Variants in ZFR observed in about 807,000 individuals in gnomAD.
ZFR encodes zinc finger RNA binding protein, also known as zinc finger RNA-binding protein.
Under a neutral mutation model 130.7 loss-of-function variants are expected in ZFR, and 19 were observed. The observed-to-expected ratio is 0.15, with a 90% CI of 0.10 to 0.21. ZFR has a LOEUF of 0.21. Ranked by LOEUF, ZFR falls within the 10% of genes least tolerant of loss-of-function variation. The pLI is 1.00. For missense variants in ZFR, 872 were observed against 1,321.5 expected (o/e 0.66, Z 5.27); for synonymous variants, 466 against 456.9 (o/e 1.02, Z -0.25).
At chr5:32,437,366 T>A (rs1373749414) in intron 2 of ZFR, among the ~76,000 whole-genome samples, 1 of 152,098 alleles carries the variant, frequency 6.6e-6, no homozygotes, top group Non-Finnish European at 1.5e-5. Flanking sequence ...TCCCTACAAA[T>A]GCACTTTAAT....
intron 17 of ZFR, among the ~76,000 whole-genome samples, chr5:32,368,931 T>C (rs1752602947): frequency 1.3e-5 from 2 of 151,714 alleles, no homozygotes; most frequent in Non-Finnish European, 2.9e-5. Context: ...GCCACTTACA[T>C]AGTCCAGTTG....
chr5:32,416,551 T>G (rs1055732553), intron 4 of ZFR, among the ~76,000 whole-genome samples: 3 of 148,826 alleles, frequency 2.0e-5, no homozygotes, highest in Non-Finnish European at 4.4e-5. Context: ...GAGGTGGAGG[T>G]TGCGGTGAGC....
At chr5:32,388,981 T>C (rs559480908) in intron 12 of ZFR, among the ~76,000 whole-genome samples, 1 of 152,256 alleles carries the variant, frequency 6.6e-6, no homozygotes, top group South Asian at 2.1e-4. Context: ...TCTGAAACTT[T>C]CTTTGCTTTC....
chr5:32,441,417 C>T (rs747603527), intron 2 of ZFR, among the ~76,000 whole-genome samples: 8 of 151,706 alleles, frequency 5.3e-5, no homozygotes, highest in South Asian at 2.1e-4. Flanking sequence ...GCTACGTATA[C>T]AAAAATCCAT....
intron 5 of ZFR, 36 bp from the exon 6 acceptor site, chr5:32,407,057 T>C (rs1451344030): frequency 7.0e-7 from 1 of 1,422,896 alleles, no homozygotes; most frequent in Non-Finnish European, 9.2e-7. Flanking sequence ...TTATGTTACA[T>C]ACTTATAGAA....
At chr5:32,397,419 G>C in intron 9 of ZFR, 81 bp from the exon 10 acceptor site, 1 of 1,508,452 alleles carries the variant, frequency 6.6e-7, no homozygotes, top group Non-Finnish European at 9.0e-7. Flanking sequence ...ATTTGATGAA[G>C]TTGTACACAG....
chr5:32,418,745 C>A lies in ZFR; in HGVS notation c.421-953G>T, dbSNP rs558972773. ...TGATTTACATTTCAATTTTTTACTG[C>A]ATAAATTTCTATGCTTTAGAAAGAA... On this transcript the variant is annotated intron_variant, in intron 3 of 19. Coordinates refer to ENST00000265069, the MANE Select transcript of ZFR (RefSeq NM_016107.5). Among the ~76,000 whole-genome samples the A allele has an allele frequency of 2.0e-4, 30 of 152,198 alleles. No individual in the cohort carries two copies. In the East Asian group the frequency reaches 5.2e-3, roughly 26 times the overall value.
chr5:32,410,635 A>G (rs1002007297), intron 5 of ZFR, among the ~76,000 whole-genome samples: 1 of 152,116 alleles, frequency 6.6e-6, no homozygotes, highest in African/African-American at 2.4e-5. Context: ...GTAAGCTATG[A>G]TATTAGAAGA....
At chr5:32,379,258 A>G (rs760249603) in intron 16 of ZFR, 48 bp from the exon 17 acceptor site, 1 of 1,506,396 alleles carries the variant, frequency 6.6e-7, no homozygotes, top group East Asian at 2.3e-5. Context: ...GAAATACTGA[A>G]TATATCCCTT....
chr5:32,372,652 G>A (rs1478422585), intron 17 of ZFR, among the ~76,000 whole-genome samples: 2 of 151,990 alleles, frequency 1.3e-5, no homozygotes, highest in Non-Finnish European at 2.9e-5. Context: ...GGCCAACATG[G>A]TGAAACTCCG....
chr5:32,364,559 CA>C (rs35884057), intron 17 of ZFR: 4 of 161,558 alleles, frequency 2.5e-5, no homozygotes, highest in Admixed American at 6.4e-5. Context: ...CCCGTCTCTA[CA>C]AAAAAAACCC....
intron 15 of ZFR, chr5:32,380,456 A>G (rs1452312408): frequency 3.8e-6 from 1 of 261,780 alleles, no homozygotes; most frequent in Non-Finnish European, 7.5e-6. Flanking sequence ...GCACTAGCAC[A>G]AAGACAACAA....
chr5:32,363,853 A>C (rs1752484202), intron 19 of ZFR, 95 bp downstream of exon 19: 1 of 1,048,968 alleles, frequency 9.5e-7, no homozygotes, highest in East Asian at 2.6e-5. Flanking sequence ...AACGAATATT[A>C]TATAGTGACT....
rs768080829 is a variant in ZFR, at chr5:32,415,000, A to T, written c.753T>A (p.Ala251=). ...ATVVPSYTQS[A]TYSTTAVTYS... The stretch of plus-strand genomic sequence containing the variant: ...ATGTAACTGCTGTGGTACTGTAAGT[A>T]GCACTCTGAGTATAGGATGGCACCA... Residue 251 remains alanine (A), a synonymous_variant, in exon 5 of 20, where the codon GCT becomes GCA. Coordinates refer to ENST00000265069, the MANE Select transcript of ZFR (RefSeq NM_016107.5). 1 of 1,613,892 alleles carries T rather than the reference A, an allele frequency of 6.2e-7. No homozygotes were observed. Among genetic ancestry groups the T allele is most frequent in the African/African-American group, 1.3e-5 (1 of 74,946 alleles).
At chr5:32,430,191 A>T (rs1012917340) in intron 2 of ZFR, among the ~76,000 whole-genome samples, 2 of 152,106 alleles carry the variant, frequency 1.3e-5, no homozygotes, top group African/African-American at 4.8e-5. Flanking sequence ...CAGGCATTAG[A>T]ATTATTGGAT....
chr5:32,361,564 T>C (rs1470967409), intron 19 of ZFR, among the ~76,000 whole-genome samples: 1 of 151,864 alleles, frequency 6.6e-6, no homozygotes, highest in African/African-American at 2.4e-5. Context: ...TATATAATAA[T>C]GAATATTTAT....
intron 5 of ZFR, among the ~76,000 whole-genome samples, chr5:32,412,710 T>A (rs976615598): frequency 6.6e-6 from 1 of 152,224 alleles, no homozygotes; most frequent in Non-Finnish European, 1.5e-5. Flanking sequence ...CAAAGTACCA[T>A]GTCATCTACA....
At chr5:32,386,615 C>T (rs999643453) in intron 14 of ZFR, among the ~76,000 whole-genome samples, 1 of 152,020 alleles carries the variant, frequency 6.6e-6, no homozygotes, top group South Asian at 2.1e-4. Flanking sequence ...ACACACAACA[C>T]AGCCAATTCT....
At chr5:32,378,229 G>A (rs1752866754) in intron 17 of ZFR, among the ~76,000 whole-genome samples, 1 of 152,068 alleles carries the variant, frequency 6.6e-6, no homozygotes, top group African/African-American at 2.4e-5. Flanking sequence ...GGATTTAATA[G>A]CAAAAGATTG....
Sources: gnomAD v4.1 joint callset for allele counts (sites outside exome capture counted in the v4.1 genomes callset) on GRCh38, gnomAD v4.1.1 for gene constraint, MANE v1.5 for transcripts, NCBI Gene and HGNC (gene_info 2026-07-23, HGNC 2026-07-21) for gene names.